Variants in TSGA10 observed in about 807,000 individuals in gnomAD.
The protein encoded by TSGA10 is testis specific 10.
Under a neutral mutation model 96.6 loss-of-function variants are expected in TSGA10, and 43 were observed. The ratio of observed to expected loss-of-function variants is 0.44; its 90% CI spans 0.35 to 0.57. The LOEUF (loss-of-function observed/expected upper bound fraction) is 0.57. TSGA10 is among the 20% of genes least tolerant of loss of function. The pLI, the probability that TSGA10 is intolerant of heterozygous loss-of-function variation, is 0.01. For synonymous variants in TSGA10, 229 were observed against 269.9 expected (o/e 0.85, Z 1.48); for missense variants, 703 against 834.4 (o/e 0.84, Z 1.94).
At chr2:99,023,746 A>G (rs538976695) in intron 17 of TSGA10, among the ~76,000 whole-genome samples, 1 of 152,328 alleles carries the variant, frequency 6.6e-6, no homozygotes, top group African/African-American at 2.4e-5. Flanking sequence ...CTGTTCCATC[A>G]ACCTCTATGT....
chr2:99,089,451 G>C (rs1461448453), intron 10 of TSGA10, among the ~76,000 whole-genome samples: 1 of 152,186 alleles, frequency 6.6e-6, no homozygotes, highest in Non-Finnish European at 1.5e-5. Flanking sequence ...GGCAGGAGGG[G>C]TGGCACAAAA....
At chr2:99,146,632 C>CT (rs1229631785) in intron 1 of TSGA10, among the ~76,000 whole-genome samples, 2 of 151,920 alleles carry the variant, frequency 1.3e-5, no homozygotes, top group African/African-American at 2.4e-5. Context: ...TTGCACTCCA[C>CT]TTTTTTTTCT....
chr2:99,064,240 A>G (rs1053013690), intron 16 of TSGA10, among the ~76,000 whole-genome samples: 1 of 152,208 alleles, frequency 6.6e-6, no homozygotes, highest in Non-Finnish European at 1.5e-5. Context: ...AAGTGAAAAA[A>G]AATTAACTTT....
intron 1 of TSGA10, among the ~76,000 whole-genome samples, chr2:99,146,190 G>A (rs2093630077): frequency 6.6e-6 from 1 of 152,230 alleles, no homozygotes; most frequent in South Asian, 2.1e-4. Context: ...GGCCTCAGCA[G>A]GAGAATCATG....
At position 99,068,971 on chromosome 2, in the gene TSGA10, G is replaced by A; in HGVS notation, c.1135C>T (p.His379Tyr). 6.8e-6 allele frequency: 10 copies of A among 1,466,732 alleles called. No individual in the cohort carries two copies. The Middle Eastern group carries it at 1.1e-3, about 158-fold the overall frequency. 90.9% of individuals were successfully genotyped at this position (1,466,732 alleles called of 1,614,324 possible). ...TGTTTTATGTCATTAAGTTCATTAT[G>A]AGTGTCATTCAATTTTTTGGACAGT... The part of the protein sequence containing the change: ...QALSKKLNDT[H>Y]NELNDIKQKV... The change falls in exon 15 of 21, where the codon CAT becomes TAT. Residue 379 changes from histidine (H) to tyrosine (Y), a missense_variant. His to Tyr is a moderately conservative substitution (Grantham distance 83). This residue lies in a region of TSGA10 where 585 missense variants were observed against 656.8 expected (regional missense o/e 0.89). Coordinates refer to ENST00000393483, the MANE Select transcript of TSGA10 (RefSeq NM_025244.4).
chr2:99,149,740 C>T (rs1214835773), intron 1 of TSGA10, among the ~76,000 whole-genome samples: 6 of 149,334 alleles, frequency 4.0e-5, no homozygotes, highest in Non-Finnish European at 8.9e-5. Flanking sequence ...CTGCGCTCGG[C>T]CGATCATCTC....
At chr2:99,106,930 A>G (rs2091410049) in intron 7 of TSGA10, among the ~76,000 whole-genome samples, 2 of 152,146 alleles carry the variant, frequency 1.3e-5, no homozygotes, top group Admixed American at 1.3e-4. Flanking sequence ...CTCACCTCTA[A>G]GCAGATGACT....
intron 20 of TSGA10, among the ~76,000 whole-genome samples, chr2:99,008,959 T>A (rs540424303): frequency 2.0e-5 from 3 of 152,182 alleles, no homozygotes; most frequent in East Asian, 3.9e-4. Context: ...AAGAAAGATA[T>A]GTATCTGTGT....
At chr2:99,134,230 G>C (rs2093231798) in intron 1 of TSGA10, among the ~76,000 whole-genome samples, 1 of 152,064 alleles carries the variant, frequency 6.6e-6, no homozygotes, top group South Asian at 2.1e-4. Context: ...TCAAAGGTAG[G>C]TCTGGTCTTT....
At chr2:99,101,993 G>T (rs769594692) in intron 10 of TSGA10, 1 of 1,039,382 alleles carries the variant, frequency 9.6e-7, no homozygotes, top group East Asian at 2.4e-5. Context: ...TAACAATACC[G>T]GATTATACAC....
At chr2:99,102,246 G>A (rs543236871) in intron 10 of TSGA10, 96 of 1,612,172 alleles carry the variant, frequency 6.0e-5, no homozygotes, top group Middle Eastern at 3.3e-4. Context: ...GTTAGTACCT[G>A]GTGGCAAAGC....
At chr2:99,007,554 A>G (rs1366200333) in intron 20 of TSGA10, among the ~76,000 whole-genome samples, 1 of 152,216 alleles carries the variant, frequency 6.6e-6, no homozygotes, top group Non-Finnish European at 1.5e-5. Context: ...ATGATGAAGA[A>G]TGACAGTTCA....
chr2:99,105,144 C>T (rs2091208641), intron 9 of TSGA10, among the ~76,000 whole-genome samples: 1 of 151,956 alleles, frequency 6.6e-6, no homozygotes, highest in African/African-American at 2.4e-5. Context: ...ACATACTTTG[C>T]AACCTAACAC....
At chr2:99,072,966 G>T in intron 13 of TSGA10, 52 bp downstream of exon 13, 1 of 1,256,350 alleles carries the variant, frequency 8.0e-7, no homozygotes, top group South Asian at 1.3e-5. Flanking sequence ...TACCTAACAT[G>T]GTACTTGGCC....
At chr2:99,005,397 T>C (rs1489251052) in intron 20 of TSGA10, among the ~76,000 whole-genome samples, 6 of 152,252 alleles carry the variant, frequency 3.9e-5, no homozygotes, top group South Asian at 2.1e-4. Context: ...AAAACCCCAT[T>C]GTCTCAGCCC....
At position 99,117,710 on chromosome 2, in the gene TSGA10, T is replaced by G. The variant is rs2092351768; in HGVS notation, c.-306A>C. On this transcript the variant is annotated 5_prime_UTR_variant, in exon 4 of 21. Transcript: ENST00000393483. Reference sequence around the variant, plus strand: ...TACCACCTCCTTACTATCCAAGAGTTTCCTAACATATTCTTCCAAGCCATG... The same window carrying G: ...TACCACCTCCTTACTATCCAAGAGTGTCCTAACATATTCTTCCAAGCCATG... 2.0e-6 allele frequency: 2 copies of G among 985,828 alleles called. No homozygotes were observed. Among genetic ancestry groups the G allele is most frequent in the Non-Finnish European group, 2.4e-6 (2 of 829,926 alleles). 61.1% of individuals were successfully genotyped at this position (985,828 alleles called of 1,614,324 possible).
chr2:99,111,292 T>C (rs548191790), intron 4 of TSGA10, among the ~76,000 whole-genome samples: 12 of 152,242 alleles, frequency 7.9e-5, no homozygotes, highest in African/African-American at 2.6e-4. Flanking sequence ...AAGATTGCTT[T>C]CTCTTCTGAA....
intron 10 of TSGA10, among the ~76,000 whole-genome samples, chr2:99,084,986 T>G (rs1558963451): frequency 6.6e-6 from 1 of 151,766 alleles, no homozygotes; most frequent in African/African-American, 2.4e-5. Flanking sequence ...GAGCGGTGGC[T>G]CATGTCTGTA....
intron 1 of TSGA10, 110 bp from the exon 2 acceptor site, chr2:99,127,286 C>A: frequency 1.2e-6 from 1 of 869,226 alleles, no homozygotes; most frequent in Non-Finnish European, 1.5e-6. Flanking sequence ...TTTTTTTTAA[C>A]CATTTCCCAC....
Sources: gnomAD v4.1 joint callset for allele counts (sites outside exome capture counted in the v4.1 genomes callset) on GRCh38, gnomAD v4.1.1 for gene constraint, gnomAD v4.1.1 regional missense constraint, MANE v1.5 for transcripts, NCBI Gene and HGNC (gene_info 2026-07-23, HGNC 2026-07-21) for gene names.